Variants in NECTIN3 observed in about 807,000 individuals in gnomAD.
NECTIN3 encodes nectin cell adhesion molecule 3, also known as nectin-3.
NECTIN3 carries 8 observed loss-of-function variants against 49.4 expected under a neutral mutation model. That is an observed-to-expected ratio of 0.16 (90% CI 0.10 to 0.29). The LOEUF (loss-of-function observed/expected upper bound fraction) is 0.29. Among genes scored for constraint, NECTIN3 ranks in the 10% least tolerant of loss-of-function variants. The pLI, the probability that NECTIN3 is intolerant of heterozygous loss-of-function variation, is 1.00. For missense variants in NECTIN3, 581 were observed against 654.6 expected (o/e 0.89, Z 1.23); for synonymous variants, 277 against 241.1 (o/e 1.15, Z -1.38).
At chr3:111,102,452 G>GT (rs1411517006) in intron 1 of NECTIN3, among the ~76,000 whole-genome samples, 1 of 152,142 alleles carries the variant, frequency 6.6e-6, no homozygotes, top group Non-Finnish European at 1.5e-5. Context: ...TCCCTTGCCT[G>GT]TTTCTCTTTT....
At chr3:111,176,967 A>C (rs866728695) in intron 7 of NECTIN3, among the ~76,000 whole-genome samples, 30 of 152,306 alleles carry the variant, frequency 2.0e-4, no homozygotes, top group African/African-American at 7.0e-4. Flanking sequence ...TTGTTTTAGG[A>C]ACTAAAATAC....
downstream of NECTIN3, among the ~76,000 whole-genome samples, chr3:111,137,832 A>G (rs1042794336): frequency 7.5e-6 from 1 of 134,140 alleles, no homozygotes; most frequent in Admixed American, 8.5e-5. Context: ...TCAGGGGTGC[A>G]TGTACAGGTT....
At chr3:111,180,397 C>T (rs2035605615) in intron 7 of NECTIN3, among the ~76,000 whole-genome samples, 1 of 152,158 alleles carries the variant, frequency 6.6e-6, no homozygotes, top group Non-Finnish European at 1.5e-5. Flanking sequence ...GTGTAATTAT[C>T]TTGGAGAACA....
intron 1 of NECTIN3, chr3:111,077,387 T>A (rs1175981244): frequency 3.8e-6 from 1 of 260,580 alleles, no homozygotes; most frequent in Admixed American, 4.5e-5. Context: ...CTTAAATAGG[T>A]TGGCTGTTGC....
At chr3:111,137,635 G>A (rs558947972), downstream of NECTIN3, 39 of 290,254 alleles carry the variant, frequency 1.3e-4, no homozygotes, top group South Asian at 1.9e-3. Context: ...GTGTATGTGC[G>A]TGTGTAACCT....
In NECTIN3 at chr3:111,135,041, A is replaced by G. The variant is rs2034529747; in HGVS notation, c.*826A>G. 1.0e-6 allele frequency: 1 copy of G among 980,798 alleles called. No individual in the cohort carries two copies. Among genetic ancestry groups the G allele is most frequent in the Non-Finnish European group, 1.2e-6 (1 of 826,326 alleles). 60.8% of individuals were successfully genotyped at this position (980,798 alleles called of 1,614,324 possible). A position where few individuals can be genotyped will look rare whatever the true frequency, so the allele number is the denominator to read the frequency against. On this transcript the variant is annotated 3_prime_UTR_variant, in exon 6 of 6. Transcript: ENST00000485303. ...AGCAGTAGCCTTATTTTAATGCTTT[A>G]TGTCCTAAACATACTAATAGAAATG...
At chr3:111,080,498 A>G (rs1280259328) in intron 1 of NECTIN3, among the ~76,000 whole-genome samples, 1 of 152,290 alleles carries the variant, frequency 6.6e-6, no homozygotes, top group Non-Finnish European at 1.5e-5. Context: ...TGAGGATACT[A>G]CTGTTGCTTT....
At chr3:111,190,817 A>C (rs907467904), upstream of NECTIN3, among the ~76,000 whole-genome samples, 81 of 152,342 alleles carry the variant, frequency 5.3e-4, no homozygotes, top group African/African-American at 1.9e-3. Flanking sequence ...TACTTACTGG[A>C]GTTGAAAGTT....
chr3:111,192,687 A>G (rs907607981), intron 1 of NECTIN3, among the ~76,000 whole-genome samples: 2 of 152,178 alleles, frequency 1.3e-5, no homozygotes, highest in African/African-American at 4.8e-5. Flanking sequence ...AGCCAGAAGG[A>G]AAGGTCAAGA....
Position 111,099,206 on chromosome 3 carries a change from A to G in NECTIN3, c.161-12824A>G, listed in dbSNP as rs76006782. On this transcript the variant is annotated intron_variant, in intron 1 of 5. Coordinates refer to ENST00000485303, the MANE Select transcript of NECTIN3 (RefSeq NM_015480.3). ...CTAGTTTAGTTGTAGCTGAAAGAAA[A>G]TGTTACTTTCTAGATGTAGCTTTTC... is the stretch of plus-strand genomic sequence containing the variant. Among the ~76,000 whole-genome samples the G allele has an allele frequency of 6.1e-3, 934 of 152,248 alleles. 24 individuals are homozygous for G. Among genetic ancestry groups the G allele is most frequent in the East Asian group, 0.029 (149 of 5,180 alleles).
At chr3:111,097,741 G>C (rs978047821) in intron 1 of NECTIN3, among the ~76,000 whole-genome samples, 4 of 152,160 alleles carry the variant, frequency 2.6e-5, no homozygotes, top group African/African-American at 9.7e-5. Context: ...CTTCCTCCCT[G>C]ATTGTGAGGC....
intron 5 of NECTIN3, chr3:111,144,843 A>G: frequency 4.0e-6 from 6 of 1,485,040 alleles, no homozygotes; most frequent in Non-Finnish European, 5.4e-6. Context: ...AAGGTATGCA[A>G]TTTCAAGAAT....
At chr3:111,160,280 A>G (rs565353030) in intron 7 of NECTIN3, among the ~76,000 whole-genome samples, 3 of 152,332 alleles carry the variant, frequency 2.0e-5, no homozygotes, top group African/African-American at 7.2e-5. Flanking sequence ...CAATTCAGAC[A>G]TCTTCCATAC....
intron 3 of NECTIN3, among the ~76,000 whole-genome samples, chr3:111,119,911 G>C (rs903191873): frequency 6.6e-6 from 1 of 152,116 alleles, no homozygotes; most frequent in Non-Finnish European, 1.5e-5. Flanking sequence ...CATGCATGGA[G>C]TTTTAAATTA....
rs755272347 is a variant in NECTIN3 at position 111,118,671 on chromosome 3, G to A, written c.518G>A (p.Ser173Asn). 1.9e-6 allele frequency: 3 copies of A among 1,601,520 alleles called. No homozygotes were observed. The highest frequency in any genetic ancestry group is 1.1e-5 in the South Asian group (1 of 89,584). ...TVTVLVEPTV[S>N]LIKGPDSLID... is the part of the protein sequence containing the mutation. ...ATTTAAACAGTTGAACCCACTGTGA[G>A]CCTGATAAAAGGGCCAGATTCTTTA... Residue 173 changes from serine (S) to asparagine (N), a missense_variant, in exon 3 of 6, where the codon AGC (serine) becomes AAC (asparagine). Coordinates refer to ENST00000485303, the MANE Select transcript of NECTIN3 (RefSeq NM_015480.3).
intron 7 of NECTIN3, among the ~76,000 whole-genome samples, chr3:111,176,342 A>G (rs1047190782): frequency 6.6e-6 from 1 of 152,070 alleles, no homozygotes; most frequent in African/African-American, 2.4e-5. Context: ...TTTCCTTTTA[A>G]AGTCACTGGT....
At chr3:111,173,790 A>G (rs1265858490) in intron 7 of NECTIN3, among the ~76,000 whole-genome samples, 3 of 151,070 alleles carry the variant, frequency 2.0e-5, no homozygotes, top group Non-Finnish European at 4.4e-5. Context: ...GCCTACATTT[A>G]TTCTTATTCC....
At chr3:111,140,287 G>A (rs933719590), downstream of NECTIN3, among the ~76,000 whole-genome samples, 17 of 151,082 alleles carry the variant, frequency 1.1e-4, no homozygotes, top group African/African-American at 4.1e-4. Context: ...CACATTATAG[G>A]TTTAGTGTGA....
intron 7 of NECTIN3, among the ~76,000 whole-genome samples, chr3:111,182,209 A>G (rs1202371865): frequency 1.3e-5 from 2 of 151,924 alleles, no homozygotes; most frequent in African/African-American, 2.4e-5. Flanking sequence ...GTTTCACTTC[A>G]ATCTTTTAAG....
Sources: allele counts gnomAD v4.1 joint callset (sites outside exome capture counted in the v4.1 genomes callset), GRCh38; gene constraint gnomAD v4.1.1; transcripts MANE v1.5; gene names NCBI Gene and HGNC (gene_info 2026-07-23, HGNC 2026-07-21).